TFDP2: variants seen among roughly 807,000 people sequenced by gnomAD.
TFDP2 encodes the protein transcription factor Dp-2 (E2F dimerization partner 2).
In TFDP2, 17 loss-of-function variants were observed where a neutral mutation model predicts 59.3. The observed-to-expected ratio is 0.29, with a 90% CI of 0.20 to 0.43. The LOEUF (loss-of-function observed/expected upper bound fraction) is 0.43, where lower values mean the gene tolerates loss of function less well. TFDP2 is among the 20% of genes least tolerant of loss of function. TFDP2 has a pLI of 1.00. For missense variants in TFDP2, 391 were observed against 528.8 expected (o/e 0.74, Z 2.56); for synonymous variants, 180 against 194.7 (o/e 0.92, Z 0.63).
chr3:142,064,279 A>G (rs751370058), intron 3 of TFDP2, among the ~76,000 whole-genome samples: 4 of 152,156 alleles, frequency 2.6e-5, no homozygotes, highest in Non-Finnish European at 5.9e-5. Context: ...AGTAAACATC[A>G]GCTTCTCCTG....
intron 3 of TFDP2, among the ~76,000 whole-genome samples, chr3:142,067,909 TGAG>T (rs2060123454): frequency 1.4e-5 from 2 of 147,106 alleles, no homozygotes; most frequent in African/African-American, 5.0e-5. Flanking sequence ...GAAGCTGAGG[TGAG>T]GAGATTACCT....
intron 11 of TFDP2, among the ~76,000 whole-genome samples, chr3:141,959,326 G>A (rs191024496): frequency 9.9e-5 from 15 of 152,178 alleles, no homozygotes; most frequent in Admixed American, 5.2e-4. Flanking sequence ...ACTAAGAGAA[G>A]ATTTTTTAAA....
chr3:141,956,321 G>A (rs1936633678), intron 11 of TFDP2, among the ~76,000 whole-genome samples: 1 of 152,178 alleles, frequency 6.6e-6, no homozygotes, highest in Non-Finnish European at 1.5e-5. Flanking sequence ...GGAGGCCGAA[G>A]CGGGTGGATC....
intron 10 of TFDP2, 21 bp downstream of exon 10, chr3:141,963,791 C>A (rs2107908946): frequency 6.2e-7 from 1 of 1,605,976 alleles, no homozygotes; most frequent in South Asian, 1.1e-5. Flanking sequence ...GCCCTGCACC[C>A]ATCCCTAGTT....
chr3:142,118,385 A>C (rs9812062), intron 1 of TFDP2, among the ~76,000 whole-genome samples: 39,295 of 152,084 alleles, frequency 0.26, 5,851 homozygotes, highest in African/African-American at 0.4. Flanking sequence ...TTTTCTCCAT[A>C]AAAACAAACC....
intron 7 of TFDP2, among the ~76,000 whole-genome samples, chr3:141,975,368 T>TA (rs151137809): frequency 0.074 from 11,307 of 152,132 alleles, 524 homozygotes; most frequent in Non-Finnish European, 0.11. Flanking sequence ...GTGGGGGATT[T>TA]AAGTTATAGA....
chr3:142,028,500 T>C, intron 3 of TFDP2: 1 of 929,656 alleles, frequency 1.1e-6, no homozygotes, highest in South Asian at 5.0e-5. Flanking sequence ...ATCAATTTAA[T>C]ATTGCTGCTG....
chr3:142,071,161 GTT>G (rs112791197), intron 3 of TFDP2, among the ~76,000 whole-genome samples: 1 of 145,174 alleles, frequency 6.9e-6, no homozygotes, highest in Non-Finnish European at 1.5e-5. Context: ...TCTTAAAGGA[GTT>G]TTTTTTTTTT....
At chr3:142,136,281 T>G (rs966149274) in intron 1 of TFDP2, among the ~76,000 whole-genome samples, 3 of 152,042 alleles carry the variant, frequency 2.0e-5, no homozygotes, top group African/African-American at 7.2e-5. Flanking sequence ...GTTTGAGCTC[T>G]TTTTAGATTC....
intron 3 of TFDP2, among the ~76,000 whole-genome samples, chr3:142,090,994 T>A (rs2060977682): frequency 6.6e-6 from 1 of 152,200 alleles, no homozygotes; most frequent in African/African-American, 2.4e-5. Flanking sequence ...AAGCTTGTTG[T>A]TCCCACTTCC....
intron 1 of TFDP2, among the ~76,000 whole-genome samples, chr3:142,117,755 C>T (rs935008265): frequency 2.6e-5 from 4 of 152,012 alleles, no homozygotes; most frequent in South Asian, 2.1e-4. Context: ...TATAAAGAAG[C>T]GCTTTCTCTT....
chr3:141,972,360 T>TA, intron 8 of TFDP2, among the ~76,000 whole-genome samples: 1 of 152,294 alleles, frequency 6.6e-6, no homozygotes, highest in Admixed American at 6.5e-5. Flanking sequence ...TACCTGTTAA[T>TA]TTTATTTCCA....
At chr3:141,972,189 T>A (rs1375848797) in intron 8 of TFDP2, among the ~76,000 whole-genome samples, 1 of 152,150 alleles carries the variant, frequency 6.6e-6, no homozygotes, top group African/African-American at 2.4e-5. Flanking sequence ...TGTAGGAGCA[T>A]CCCTTTATCA....
chr3:142,077,488 T>G (rs996504906), intron 3 of TFDP2, among the ~76,000 whole-genome samples: 1 of 151,960 alleles, frequency 6.6e-6, no homozygotes, highest in African/African-American at 2.4e-5. Flanking sequence ...GGATACCAGC[T>G]CAGCCACAGT....
intron 3 of TFDP2, among the ~76,000 whole-genome samples, chr3:142,030,118 A>C (rs556482321): frequency 6.6e-6 from 1 of 152,366 alleles, no homozygotes; most frequent in East Asian, 1.9e-4. Context: ...AATAGATCAG[A>C]GAGCTTCTTC....
At chr3:142,006,469 ATTT>A (rs61099247) in intron 3 of TFDP2, among the ~76,000 whole-genome samples, 4 of 137,602 alleles carry the variant, frequency 2.9e-5, no homozygotes, top group Admixed American at 7.4e-5. Flanking sequence ...TTCCCTTACT[ATTT>A]TTTTTTTTTT....
chr3:142,010,451 A>C (rs1944569933), intron 3 of TFDP2, among the ~76,000 whole-genome samples: 1 of 152,132 alleles, frequency 6.6e-6, no homozygotes, highest in Non-Finnish European at 1.5e-5. Context: ...TCTACTAAAA[A>C]TACAAAAATC....
At chr3:142,120,011 T>C (rs1323249644) in intron 1 of TFDP2, among the ~76,000 whole-genome samples, 14 of 145,860 alleles carry the variant, frequency 9.6e-5, no homozygotes, top group South Asian at 2.2e-4. Flanking sequence ...GATTGCACCA[T>C]TGCACTCCAG....
chr3:142,145,196 A>G (rs917882363), intron 1 of TFDP2, among the ~76,000 whole-genome samples: 3 of 152,216 alleles, frequency 2.0e-5, no homozygotes, highest in African/African-American at 7.2e-5. Context: ...GACAGTTCCT[A>G]ACTACTCTAA....
Sources: gnomAD v4.1 joint callset for allele counts (sites outside exome capture counted in the v4.1 genomes callset) on GRCh38, gnomAD v4.1.1 for gene constraint, MANE v1.5 for transcripts, NCBI Gene and HGNC (gene_info 2026-07-23, HGNC 2026-07-21) for gene names.